The following PCCA variants were observed in gnomAD, a reference collection of about 807,000 sequenced individuals.
PCCA encodes the protein propionyl-CoA carboxylase subunit alpha.
PCCA carries 74 observed loss-of-function variants against 101.3 expected under a neutral mutation model. The ratio of observed to expected loss-of-function variants is 0.73; its 90% CI spans 0.61 to 0.89. The LOEUF is 0.89. Among genes scored for constraint, PCCA ranks in the 40% least tolerant of loss-of-function variants. The pLI is 0.00. For missense variants in PCCA, 891 were observed against 907.0 expected, an observed-to-expected ratio of 0.98 and a Z score of 0.23; for synonymous variants, 294 against 313.6, an observed-to-expected ratio of 0.94 and a Z score of 0.66.
chr13:100,140,874 G>A (rs1437984834), intron 4 of PCCA, among the ~76,000 whole-genome samples: 4 of 152,122 alleles, frequency 2.6e-5, no homozygotes, highest in East Asian at 1.9e-4. Flanking sequence ...ACTATGTTGT[G>A]TATCCTATAT....
intron 19 of PCCA, among the ~76,000 whole-genome samples, chr13:100,398,899 G>A (rs527347280): frequency 6.6e-5 from 10 of 152,118 alleles, no homozygotes; most frequent in Admixed American, 1.3e-4. Flanking sequence ...TTATAATAAA[G>A]TGAAGCATTT....
rs138966869 is a variant in PCCA at position 100,392,896 on chromosome 13, T to C, written c.1746+24322T>C. ...AGCAAGAGGGGATGAGAAGGTTGAG[T>C]GACTCACCCAGGGAAGTGACTCACC... On this transcript the variant is annotated intron_variant, in intron 19 of 23. Coordinates refer to ENST00000376285, the MANE Select transcript of PCCA (RefSeq NM_000282.4). 3.0e-4 allele frequency among the ~76,000 whole-genome samples: 46 copies of C among 151,698 alleles called. 1 individual carries two copies. The highest frequency in any genetic ancestry group is 1.1e-3 in the African/African-American group (45 of 41,068).
chr13:100,267,025 A>G (rs1470114171), intron 10 of PCCA, among the ~76,000 whole-genome samples: 2 of 152,216 alleles, frequency 1.3e-5, no homozygotes, highest in Admixed American at 6.5e-5. Flanking sequence ...ATAATCAGCA[A>G]ATCATTTTTG....
intron 16 of PCCA, among the ~76,000 whole-genome samples, 190 bp downstream of exon 16, chr13:100,310,098 G>T (rs549655277): frequency 6.6e-6 from 1 of 152,238 alleles, no homozygotes; most frequent in African/African-American, 2.4e-5. Context: ...TTAAGCAAAT[G>T]CATATTTTCT....
intron 13 of PCCA, 47 bp from the exon 14 acceptor site, chr13:100,302,877 C>A: frequency 1.9e-6 from 2 of 1,039,648 alleles, no homozygotes; most frequent in Non-Finnish European, 3.1e-6. Context: ...CTTACTTGTG[C>A]TGATTTATAT....
chr13:100,198,909 T>G (rs1412958543), intron 6 of PCCA, among the ~76,000 whole-genome samples: 1 of 112,888 alleles, frequency 8.9e-6, no homozygotes, highest in Non-Finnish European at 1.7e-5. Flanking sequence ...AGAATGTACT[T>G]TACAATTTTT....
intron 21 of PCCA, among the ~76,000 whole-genome samples, chr13:100,506,516 G>T (rs1343913633): frequency 1.3e-5 from 2 of 152,178 alleles, no homozygotes; most frequent in East Asian, 3.9e-4. Flanking sequence ...CTGAATTTCT[G>T]TCCCATAAAG....
chr13:100,330,724 T>C lies in PCCA; in HGVS notation c.1540+53T>C. 5 of 1,023,818 alleles carry C rather than the reference T, an allele frequency of 4.9e-6. No homozygotes were observed. In the South Asian group the frequency reaches 5.3e-5, roughly 11 times the overall value. 63.4% of individuals were successfully genotyped at this position (1,023,818 alleles called of 1,614,324 possible). ...TTTTAAAGTTGTTATTTTTATACTT[T>C]ATTGTAATACATAATTTCACTCTAT... On this transcript the variant is annotated intron_variant, in intron 17 of 23. Transcript: ENST00000376285.
chr13:100,433,920 A>G (rs2079740913), intron 20 of PCCA, among the ~76,000 whole-genome samples: 2 of 152,244 alleles, frequency 1.3e-5, no homozygotes, highest in South Asian at 4.1e-4. Context: ...CAGAGATCCA[A>G]AGATACAAGG....
intron 6 of PCCA, among the ~76,000 whole-genome samples, chr13:100,208,453 C>T (rs1328142638): frequency 6.6e-6 from 1 of 152,186 alleles, no homozygotes; most frequent in Non-Finnish European, 1.5e-5. Flanking sequence ...AGTTAGGCGC[C>T]TTCCTCGAGG....
chr13:100,486,647 T>G (rs1300911134), intron 21 of PCCA, among the ~76,000 whole-genome samples: 1 of 152,220 alleles, frequency 6.6e-6, no homozygotes, highest in African/African-American at 2.4e-5. Flanking sequence ...GTGCAGTGGC[T>G]TATGCCTATA....
At chr13:100,514,913 A>G (rs2086720457) in intron 21 of PCCA, among the ~76,000 whole-genome samples, 1 of 152,238 alleles carries the variant, frequency 6.6e-6, no homozygotes, top group Admixed American at 6.5e-5. Flanking sequence ...AATTTTAAAT[A>G]CTATTTTGCC....
At chr13:100,154,639 C>G (rs764162454) in intron 4 of PCCA, 4 of 340,628 alleles carry the variant, frequency 1.2e-5, no homozygotes, top group Non-Finnish European at 2.3e-5. Context: ...TTGGGCTACC[C>G]TGGCTACATG....
intron 21 of PCCA, among the ~76,000 whole-genome samples, chr13:100,494,106 T>G (rs2085101221): frequency 6.6e-6 from 1 of 151,710 alleles, no homozygotes; most frequent in Non-Finnish European, 1.5e-5. Flanking sequence ...GGAGAAGGGC[T>G]TGAAACCAGG....
chr13:100,286,132 G>A (rs943663975), intron 12 of PCCA, among the ~76,000 whole-genome samples: 3 of 152,182 alleles, frequency 2.0e-5, no homozygotes, highest in African/African-American at 7.2e-5. Flanking sequence ...GGGAAGTGGG[G>A]TATGAGGAAC....
chr13:100,106,841 C>T (rs1169779303), intron 2 of PCCA, among the ~76,000 whole-genome samples: 2 of 152,326 alleles, frequency 1.3e-5, no homozygotes, highest in South Asian at 2.1e-4. Context: ...TTTGCCATCT[C>T]CTTTGCTGTG....
intron 8 of PCCA, among the ~76,000 whole-genome samples, chr13:100,253,926 A>G (rs140913287): frequency 6.1e-5 from 9 of 147,490 alleles, no homozygotes; most frequent in African/African-American, 2.3e-4. Flanking sequence ...TAGAATTTGT[A>G]TTTTGTTATG....
At chr13:100,256,213 G>T (rs1018168092) in intron 8 of PCCA, among the ~76,000 whole-genome samples, 1 of 151,966 alleles carries the variant, frequency 6.6e-6, no homozygotes, top group East Asian at 1.9e-4. Context: ...CACCATGTTG[G>T]CCAGGATGGT....
chr13:100,217,715 C>A (rs947663507), intron 7 of PCCA, among the ~76,000 whole-genome samples: 1 of 150,610 alleles, frequency 6.6e-6, no homozygotes, highest in South Asian at 2.1e-4. Context: ...ATTAGTTGGG[C>A]GTGGTGGCAG....
Sources: allele counts gnomAD v4.1 joint callset (sites outside exome capture counted in the v4.1 genomes callset), GRCh38; gene constraint gnomAD v4.1.1; transcripts MANE v1.5; gene names NCBI Gene and HGNC (gene_info 2026-07-23, HGNC 2026-07-21).